The following MAP3K5 variants were observed in gnomAD, a reference collection of about 807,000 sequenced individuals.
The protein encoded by MAP3K5 is ASK-1.
Under a neutral mutation model 158.7 loss-of-function variants are expected in MAP3K5, and 56 were observed. The ratio of observed to expected loss-of-function variants is 0.35; its 90% CI spans 0.28 to 0.44. MAP3K5 has a LOEUF of 0.44. Among genes scored for constraint, MAP3K5 ranks in the 20% least tolerant of loss-of-function variants. MAP3K5 has a pLI of 1.00. For synonymous variants in MAP3K5, 579 were observed against 601.7 expected (o/e 0.96, Z 0.55); for missense variants, 1,294 against 1,674.8 (o/e 0.77, Z 3.97).
chr6:136,622,102 G>T (rs1247970652), intron 15 of MAP3K5, among the ~76,000 whole-genome samples: 1 of 144,728 alleles, frequency 6.9e-6, no homozygotes, highest in Admixed American at 6.9e-5. Context: ...AAAAAAAAAA[G>T]AAATAGTGAC....
At chr6:136,604,096 C>T (rs905394585) in intron 19 of MAP3K5, among the ~76,000 whole-genome samples, 4 of 152,112 alleles carry the variant, frequency 2.6e-5, no homozygotes, top group Non-Finnish European at 4.4e-5. Flanking sequence ...CCAAGGCAGG[C>T]GGAGGGCCTG....
intron 1 of MAP3K5, among the ~76,000 whole-genome samples, chr6:136,734,770 T>C (rs1017865787): frequency 6.6e-6 from 1 of 152,228 alleles, no homozygotes; most frequent in African/African-American, 2.4e-5. Context: ...CAAAGCTTCA[T>C]TCATTTATGC....
At chr6:136,669,419 A>G (rs1368691739) in intron 7 of MAP3K5, 24 bp from the exon 8 acceptor site, 1 of 1,357,820 alleles carries the variant, frequency 7.4e-7, no homozygotes, top group African/African-American at 1.4e-5. Flanking sequence ...CAAATGTACA[A>G]GTTAACTTTC....
intron 24 of MAP3K5, among the ~76,000 whole-genome samples, chr6:136,583,103 A>C (rs1198178451): frequency 1.3e-5 from 2 of 152,248 alleles, no homozygotes; most frequent in Non-Finnish European, 2.9e-5. Flanking sequence ...TTCTATATGA[A>C]AACTAGAGAA....
intron 14 of MAP3K5, 168 bp downstream of exon 14, chr6:136,637,156 CT>C: frequency 7.3e-7 from 1 of 1,374,676 alleles, no homozygotes; most frequent in South Asian, 1.5e-5. Flanking sequence ...CCAATGTTTA[CT>C]TTTTAGCCCC....
chr6:136,621,010 G>A (rs570171297), intron 15 of MAP3K5, among the ~76,000 whole-genome samples: 1 of 152,078 alleles, frequency 6.6e-6, no homozygotes, highest in Non-Finnish European at 1.5e-5. Flanking sequence ...TCAAGCATAG[G>A]TTGGTGCAAA....
intron 10 of MAP3K5, among the ~76,000 whole-genome samples, chr6:136,654,998 T>C (rs767609675): frequency 5.3e-5 from 8 of 152,204 alleles, no homozygotes; most frequent in Non-Finnish European, 1.0e-4. Context: ...TTTATACCTA[T>C]ATTCTCCTAA....
chr6:136,786,963 T>C (rs1049223024), intron 1 of MAP3K5, among the ~76,000 whole-genome samples: 22 of 152,270 alleles, frequency 1.4e-4, no homozygotes, highest in African/African-American at 4.1e-4. Flanking sequence ...CTCACTCCGT[T>C]AGGTTGAGCT....
intron 14 of MAP3K5, among the ~76,000 whole-genome samples, chr6:136,633,745 C>T (rs948127435): frequency 2.6e-5 from 4 of 152,140 alleles, no homozygotes; most frequent in African/African-American, 9.7e-5. Flanking sequence ...GAATTAGTTT[C>T]ACATTTGTAG....
At chr6:136,573,787 G>A (rs1774474015) in intron 25 of MAP3K5, among the ~76,000 whole-genome samples, 1 of 152,158 alleles carries the variant, frequency 6.6e-6, no homozygotes, top group South Asian at 2.1e-4. Context: ...ACTCAAGGGG[G>A]CCTTAAAGCC....
chr6:136,658,560 C>T (rs1381049441), intron 9 of MAP3K5, among the ~76,000 whole-genome samples: 1 of 152,048 alleles, frequency 6.6e-6, no homozygotes. Context: ...AGTGATCTGT[C>T]CACCTCAGCC....
At chr6:136,598,663 C>G (rs1775737232) in intron 21 of MAP3K5, among the ~76,000 whole-genome samples, 2 of 152,174 alleles carry the variant, frequency 1.3e-5, no homozygotes, top group South Asian at 4.1e-4. Flanking sequence ...CTCTTACTCC[C>G]CTCTTGAGGG....
In MAP3K5 at chr6:136,784,021, T is replaced by C. The variant is rs150366518; in HGVS notation, c.448+7689A>G. Reference sequence around the variant, plus strand: ...AACAGGAAGTAGGGCACAGTTCTTATAGCCACCAGAGGGGAACTGCCCTAT... The same window carrying C: ...AACAGGAAGTAGGGCACAGTTCTTACAGCCACCAGAGGGGAACTGCCCTAT... On this transcript the variant is annotated intron_variant, in intron 1 of 29. Coordinates refer to ENST00000359015, the MANE Select transcript of MAP3K5 (RefSeq NM_005923.4). Among the ~76,000 whole-genome samples, 18 of 152,310 alleles carry C rather than the reference T, an allele frequency of 1.2e-4. 1 individual carries two copies. The Middle Eastern group carries it at 0.021, about 174-fold the overall frequency.
intron 25 of MAP3K5, among the ~76,000 whole-genome samples, chr6:136,572,193 T>C (rs760466538): frequency 1.2e-4 from 19 of 152,222 alleles, no homozygotes; most frequent in Non-Finnish European, 2.2e-4. Context: ...TAGATTAAAT[T>C]AGAGGACAAG....
intron 21 of MAP3K5, among the ~76,000 whole-genome samples, chr6:136,600,758 G>A (rs1775838860): frequency 6.6e-6 from 1 of 152,140 alleles, no homozygotes; most frequent in Admixed American, 6.6e-5. Flanking sequence ...AATTGAAGCT[G>A]TCAAAAACAC....
chr6:136,764,211 T>C (rs971168351), intron 1 of MAP3K5, among the ~76,000 whole-genome samples: 1 of 152,192 alleles, frequency 6.6e-6, no homozygotes, highest in Non-Finnish European at 1.5e-5. Context: ...TGTGCATGCA[T>C]ATGCCCCTTC....
rs1380213367 is a variant in MAP3K5 at position 136,559,838 on chromosome 6, T to C, written c.3988-962A>G. Among the ~76,000 whole-genome samples, 4 of 152,160 alleles carry C rather than the reference T, an allele frequency of 2.6e-5. No homozygotes were observed. In the South Asian group the frequency reaches 6.2e-4, roughly 24 times the overall value. Reference sequence around the variant, plus strand: ...AGCCACTGCACCTGGCCTCAAGCTTTTACTTTTAAACCAAATAAAAAGGGT... The same window carrying C: ...AGCCACTGCACCTGGCCTCAAGCTTCTACTTTTAAACCAAATAAAAAGGGT... On this transcript the variant is annotated intron_variant, in intron 28 of 29. Transcript: ENST00000359015.
intron 23 of MAP3K5, among the ~76,000 whole-genome samples, chr6:136,588,807 G>A (rs762891674): frequency 4.7e-4 from 71 of 152,200 alleles, no homozygotes; most frequent in Non-Finnish European, 8.4e-4. Flanking sequence ...AGTCTCCACC[G>A]CCACGAAGCA....
intron 1 of MAP3K5, among the ~76,000 whole-genome samples, chr6:136,774,807 CA>C (rs1418346119): frequency 2.6e-5 from 4 of 152,118 alleles, no homozygotes; most frequent in African/African-American, 7.2e-5. Flanking sequence ...GCAGGGTTAA[CA>C]AGACAGAAAA....
Sources: gnomAD v4.1 joint callset for allele counts (sites outside exome capture counted in the v4.1 genomes callset) on GRCh38, gnomAD v4.1.1 for gene constraint, MANE v1.5 for transcripts, NCBI Gene and HGNC (gene_info 2026-07-23, HGNC 2026-07-21) for gene names.